Variants in SETBP1 observed in about 807,000 individuals in gnomAD.
SETBP1 encodes SET binding protein 1.
In SETBP1, 9 loss-of-function variants were observed where a neutral mutation model predicts 101.0. The observed-to-expected ratio is 0.09, with a 90% confidence interval of 0.05 to 0.16. The LOEUF (loss-of-function observed/expected upper bound fraction) is 0.16. SETBP1 is among the 10% of genes least tolerant of loss of function. The pLI is 1.00. For synonymous variants in SETBP1, 818 were observed against 788.5 expected (o/e 1.04, Z -0.63); for missense variants, 1,858 against 2,033.8 (o/e 0.91, Z 1.66).
chr18:45,063,582 G>T lies in SETBP1; in HGVS notation c.4675G>T (p.Ala1559Ser), dbSNP rs2073926608. ...RGGKRKHKPQ[A>S]PAQPPQQSPP... ...CGGAAAGAGGAAACACAAACCGCAG[G>T]CCCCCGCTCAGCCCCCACAGCAGTC... is the stretch of plus-strand genomic sequence containing the variant. Residue 1559 changes from alanine to serine, a missense_variant, in exon 6 of 6, where the codon GCC becomes TCC. Ala to Ser is a moderately conservative substitution (Grantham distance 99). Coordinates refer to ENST00000649279, the MANE Select transcript of SETBP1 (RefSeq NM_015559.3). 6.4e-7 allele frequency: 1 copy of T among 1,560,676 alleles called. No individual in the cohort carries two copies.
At chr18:44,998,710 G>A (rs567804920) in intron 4 of SETBP1, among the ~76,000 whole-genome samples, 1 of 152,318 alleles carries the variant, frequency 6.6e-6, no homozygotes, top group South Asian at 2.1e-4. Flanking sequence ...TCAGGATGAT[G>A]TTGGGGAAGG....
At chr18:44,895,991 T>C (rs973481484) in intron 3 of SETBP1, among the ~76,000 whole-genome samples, 24 of 152,010 alleles carry the variant, frequency 1.6e-4, no homozygotes, top group African/African-American at 5.6e-4. Context: ...TTACACACAC[T>C]CCCTGATAGG....
At chr18:45,004,461 C>A (rs146035360) in intron 4 of SETBP1, among the ~76,000 whole-genome samples, 3 of 152,332 alleles carry the variant, frequency 2.0e-5, no homozygotes, top group Non-Finnish European at 4.4e-5. Flanking sequence ...ATTGTGTAAC[C>A]AGCTGCCTGT....
intron 2 of SETBP1, among the ~76,000 whole-genome samples, chr18:44,818,226 A>T (rs932865042): frequency 6.6e-6 from 1 of 152,044 alleles, no homozygotes; most frequent in Admixed American, 6.6e-5. Flanking sequence ...AATTGGAGAG[A>T]TGTTTCATTG....
intron 4 of SETBP1, among the ~76,000 whole-genome samples, chr18:45,029,152 A>G (rs2073235606): frequency 6.6e-6 from 1 of 152,156 alleles, no homozygotes; most frequent in Non-Finnish European, 1.5e-5. Flanking sequence ...TAGGTCTAAC[A>G]TGTAAGTCTT....
rs908388660 is a variant in SETBP1, at chr18:44,786,741, C to G, written c.487-82489C>G. ...ACATTGCCTGAATATTTGGATCTTG[C>G]TTTTTTCTCTCCTCCTCCAAGAACA... On this transcript the variant is annotated intron_variant, in intron 2 of 5. Transcript: ENST00000649279. 2.0e-5 allele frequency among the ~76,000 whole-genome samples: 3 copies of G among 152,124 alleles called. No individual in the cohort carries two copies. The South Asian group carries it at 6.2e-4, about 32-fold the overall frequency.
At chr18:44,907,391 T>C (rs2070199866) in intron 3 of SETBP1, among the ~76,000 whole-genome samples, 1 of 152,212 alleles carries the variant, frequency 6.6e-6, no homozygotes, top group South Asian at 2.1e-4. Flanking sequence ...TTTTGGGATA[T>C]GTGGTAATTT....
chr18:44,706,141 C>T (rs2069211826), intron 2 of SETBP1, among the ~76,000 whole-genome samples: 1 of 152,080 alleles, frequency 6.6e-6, no homozygotes, highest in African/African-American at 2.4e-5. Context: ...AGATGGACCC[C>T]ACACATGTAA....
chr18:45,003,161 C>T (rs1599434255), intron 4 of SETBP1, among the ~76,000 whole-genome samples: 1 of 152,228 alleles, frequency 6.6e-6, no homozygotes, highest in East Asian at 1.9e-4. Flanking sequence ...AATTATTCAT[C>T]AGAGAAAACC....
intron 4 of SETBP1, among the ~76,000 whole-genome samples, chr18:45,012,162 G>T (rs1040268536): frequency 6.6e-6 from 1 of 152,170 alleles, no homozygotes; most frequent in African/African-American, 2.4e-5. Context: ...TGACCGTCAT[G>T]AAGGAAGAGT....
At position 44,951,691 on chromosome 18, in the gene SETBP1, G is replaced by A; in HGVS notation, c.2351G>A (p.Gly784Asp). The A allele has an allele frequency of 1.2e-6, 2 of 1,614,172 alleles. No homozygotes were observed. Among genetic ancestry groups the A allele is most frequent in the Non-Finnish European group, 8.5e-7 (1 of 1,180,038 alleles). The change falls in exon 4 of 6, where the codon GGT becomes GAT. Residue 784 changes from glycine (G) to aspartate (D), a missense_variant. By Grantham distance (94) the Gly-to-Asp change is moderately conservative (BLOSUM62 -1). Transcript: ENST00000649279. This position sits in a 1 kb window ranked among gnomAD's most constrained non-coding sequence, Gnocchi z 7.8. ...ATGCACCCACTTTCAACACAGTTAG[G>A]TGGGTCCAATGGCAACCTGAGCCCT... ...AAMHPLSTQL[G>D]GSNGNLSPAS...
chr18:44,945,427 G>A (rs1011427282), intron 3 of SETBP1, among the ~76,000 whole-genome samples: 1 of 152,186 alleles, frequency 6.6e-6, no homozygotes, highest in African/African-American at 2.4e-5. Flanking sequence ...AATACTGTAA[G>A]CACAAATCTG....
intron 4 of SETBP1, among the ~76,000 whole-genome samples, chr18:45,024,365 G>A (rs1006318134): frequency 6.6e-6 from 1 of 152,114 alleles, no homozygotes; most frequent in Non-Finnish European, 1.5e-5. Flanking sequence ...ATAGTGTGAG[G>A]CTGCTTTTCC....
At chr18:44,877,934 T>C (rs2069446809) in intron 3 of SETBP1, among the ~76,000 whole-genome samples, 1 of 152,208 alleles carries the variant, frequency 6.6e-6, no homozygotes, top group South Asian at 2.1e-4. Context: ...TTCCAAGACA[T>C]TCTGACCATC....
chr18:44,799,981 C>G (rs1437473323), intron 2 of SETBP1, among the ~76,000 whole-genome samples: 1 of 152,182 alleles, frequency 6.6e-6, no homozygotes. Context: ...CCTTTCATCT[C>G]CTTTTCAGGT....
At chr18:44,783,484 T>G (rs1206413354) in intron 2 of SETBP1, among the ~76,000 whole-genome samples, 1 of 152,210 alleles carries the variant, frequency 6.6e-6, no homozygotes, top group African/African-American at 2.4e-5. Flanking sequence ...AGATGCAATT[T>G]CTTTAACTCA....
chr18:44,913,729 G>T (rs2070365525), intron 3 of SETBP1, among the ~76,000 whole-genome samples: 1 of 152,184 alleles, frequency 6.6e-6, no homozygotes, highest in African/African-American at 2.4e-5. Context: ...TCTGCCTTGG[G>T]CAGCTCAGAG....
rs150514140 is a variant in SETBP1 at position 44,790,918 on chromosome 18, G to A, written c.487-78312G>A. Among the ~76,000 whole-genome samples, 149 of 152,274 alleles carry A rather than the reference G, an allele frequency of 9.8e-4. 1 individual carries two copies. The East Asian group carries it at 0.023, about 23-fold the overall frequency. On this transcript the variant is annotated intron_variant, in intron 2 of 5. Transcript: ENST00000649279. ...CACAAAACCTAGATAAACTATGAGA[G>A]CAGTTGTCTATTTAAAAAAATTATT...
chr18:44,732,360 G>A (rs1265761836), intron 2 of SETBP1, among the ~76,000 whole-genome samples: 1 of 152,176 alleles, frequency 6.6e-6, no homozygotes, highest in Non-Finnish European at 1.5e-5. Context: ...TCTTCTGCAT[G>A]TACGATCAAA....
Sources: allele counts gnomAD v4.1 joint callset (sites outside exome capture counted in the v4.1 genomes callset), GRCh38; gene constraint gnomAD v4.1.1; non-coding constraint Gnocchi (gnomAD v3.1); transcripts MANE v1.5; gene names NCBI Gene and HGNC (gene_info 2026-07-23, HGNC 2026-07-21).